The following AHI1 variants were observed in gnomAD, a reference collection of about 807,000 sequenced individuals.
The protein encoded by AHI1 is jouberin.
AHI1 carries 123 observed loss-of-function variants against 149.3 expected under a neutral mutation model. The ratio of observed to expected loss-of-function variants is 0.82; its 90% confidence interval spans 0.71 to 0.96. AHI1 has a LOEUF of 0.96. Ranked by LOEUF, AHI1 falls within the 40% of genes least tolerant of loss-of-function variation. AHI1 has a pLI of 0.00. For missense variants in AHI1, 1,439 were observed against 1,422.7 expected (o/e 1.01, Z -0.18); for synonymous variants, 475 against 459.8 (o/e 1.03, Z -0.42).
In AHI1 at chr6:135,372,766, A is replaced by T. The variant is rs189696511; in HGVS notation, c.3110-14579T>A. Among the ~76,000 whole-genome samples the T allele has an allele frequency of 2.3e-3, 358 of 152,356 alleles. 9 individuals carry two copies. Among genetic ancestry groups the T allele is most frequent in the Admixed American group, 0.022 (338 of 15,306 alleles). On this transcript the variant is annotated intron_variant, in intron 23 of 28. Transcript: ENST00000265602. ...AACAGTGGCTTTCAGAAAGTAAATT[A>T]GAAGGTAGGTAACATTCCTAAGGTC...
At chr6:135,334,000 A>C (rs2128401410) in intron 24 of AHI1, among the ~76,000 whole-genome samples, 1 of 152,356 alleles carries the variant, frequency 6.6e-6, no homozygotes, top group South Asian at 2.1e-4. Flanking sequence ...TGCTGCAATA[A>C]TATATAGGAA....
chr6:135,461,573 A>G (rs1046371478), intron 8 of AHI1, among the ~76,000 whole-genome samples: 1 of 151,996 alleles, frequency 6.6e-6, no homozygotes, highest in African/African-American at 2.4e-5. Context: ...TACTCCTAAC[A>G]ATATGCCCAA....
intron 23 of AHI1, among the ~76,000 whole-genome samples, chr6:135,392,875 A>AT (rs927462641): frequency 1.5e-4 from 23 of 152,106 alleles, no homozygotes; most frequent in Non-Finnish European, 1.8e-4. Flanking sequence ...CTAAGGCAGG[A>AT]TTTTTTTTCA....
rs758444927 is a variant in AHI1, at chr6:135,490,758, T to C, written c.11-11A>G. Reference sequence around the variant, plus strand: ...TTGCTTCACTCTCAGCTACAAAAGATACAGCCATGTGATTTTGTAAATGAC... The same window carrying C: ...TTGCTTCACTCTCAGCTACAAAAGACACAGCCATGTGATTTTGTAAATGAC... On this transcript the variant is annotated splice_polypyrimidine_tract_variant and intron_variant, in intron 4 of 28. Transcript: ENST00000265602. 4 of 1,611,694 alleles carry C rather than the reference T, an allele frequency of 2.5e-6. No individual in the cohort carries two copies. In the South Asian group the frequency reaches 3.3e-5, roughly 13 times the overall value.
rs965506762 is a variant in AHI1 at position 135,455,395 on chromosome 6, T to C, written c.1344+339A>G. Reference sequence around the variant, plus strand: ...TCTTAGGGTGCCTGACATGGTTAAATGAGTTTATGCTTTGTGAAATGGGTT... The same window carrying C: ...TCTTAGGGTGCCTGACATGGTTAAACGAGTTTATGCTTTGTGAAATGGGTT... On this transcript the variant is annotated intron_variant, in intron 10 of 28. Transcript: ENST00000265602. Among the ~76,000 whole-genome samples the C allele has an allele frequency of 6.6e-5, 10 of 152,324 alleles. No homozygotes were observed. The South Asian group carries it at 1.2e-3, about 19-fold the overall frequency.
rs762187786 is a variant in AHI1, at chr6:135,466,002, T to C, written c.561A>G (p.Glu187=). 2 of 1,614,012 alleles carry C rather than the reference T, an allele frequency of 1.2e-6. No homozygotes were observed. Among genetic ancestry groups the C allele is most frequent in the African/African-American group, 2.7e-5 (2 of 75,072 alleles). The stretch of plus-strand genomic sequence containing the variant: ...CATGGCACTGATATGCTTGCATCAA[T>C]TCTTCATCCTCTTCTAAATCAGTCT... The part of the protein sequence containing the change: ...REETDLEEDE[E]LMQAYQCHVT... The change falls in exon 7 of 29, where the codon GAA becomes GAG. Residue 187 remains glutamate (E), a synonymous_variant. Transcript: ENST00000265602.
chr6:135,287,260 G>A (rs1027248148), intron 28 of AHI1, among the ~76,000 whole-genome samples: 5 of 152,072 alleles, frequency 3.3e-5, no homozygotes, highest in African/African-American at 1.2e-4. Flanking sequence ...GAAGCCAGAC[G>A]GACCTTCAGG....
chr6:135,457,763 T>C (rs1397797184), intron 8 of AHI1, 50 bp from the exon 9 acceptor site: 5 of 1,505,480 alleles, frequency 3.3e-6, no homozygotes, highest in Admixed American at 1.7e-5. Context: ...GTTCCCATAG[T>C]AGTATTTACA....
At chr6:135,348,614 A>G (rs1791608737) in intron 24 of AHI1, among the ~76,000 whole-genome samples, 1 of 152,156 alleles carries the variant, frequency 6.6e-6, no homozygotes, top group Admixed American at 6.5e-5. Flanking sequence ...GATTTTGTGC[A>G]CTGTTTAACA....
At position 135,323,311 on chromosome 6, in the gene AHI1, T is replaced by C. The variant is rs1404709929; in HGVS notation, c.3179A>G (p.Tyr1060Cys). The change falls in exon 25 of 29, where the codon TAT (tyrosine) becomes TGT (cysteine). Residue 1060 changes from tyrosine (Y) to cysteine (C), a missense_variant. Coordinates refer to ENST00000265602, the MANE Select transcript of AHI1 (RefSeq NM_001134831.2). ...ATCTGATCGATTCGCTGTGTAGTCA[T>C]AAAGAGCCACTACCTAAGAGAGAGA... Reference protein sequence around the residue: ...VDTAPTVVALYDYTANRSDEL... With the variant: ...VDTAPTVVALCDYTANRSDEL... 6.2e-7 allele frequency: 1 copy of C among 1,613,516 alleles called. No individual in the cohort carries two copies. The highest frequency in any genetic ancestry group is 8.5e-7 in the Non-Finnish European group (1 of 1,179,702).
At chr6:135,316,450 C>T (rs1046227445) in intron 26 of AHI1, among the ~76,000 whole-genome samples, 7 of 152,048 alleles carry the variant, frequency 4.6e-5, no homozygotes, top group South Asian at 2.1e-4. Flanking sequence ...CTATTGATAC[C>T]GGTACAAAGC....
At chr6:135,346,566 A>G (rs992038898) in intron 24 of AHI1, among the ~76,000 whole-genome samples, 1 of 151,950 alleles carries the variant, frequency 6.6e-6, no homozygotes, top group Non-Finnish European at 1.5e-5. Context: ...GATTATAAAG[A>G]TTTTTTTTCT....
chr6:135,460,864 A>C (rs556397477), intron 8 of AHI1, among the ~76,000 whole-genome samples: 1 of 152,326 alleles, frequency 6.6e-6, no homozygotes, highest in South Asian at 2.1e-4. Context: ...GTCAATCATA[A>C]TATATATTCA....
At chr6:135,344,749 C>A (rs1790924563) in intron 24 of AHI1, among the ~76,000 whole-genome samples, 1 of 150,034 alleles carries the variant, frequency 6.7e-6, no homozygotes, top group Non-Finnish European at 1.5e-5. Flanking sequence ...TTTCTCCTTT[C>A]CTTTCTCTCT....
intron 23 of AHI1, among the ~76,000 whole-genome samples, chr6:135,389,773 T>C (rs980032592): frequency 6.6e-6 from 1 of 152,336 alleles, no homozygotes; most frequent in Middle Eastern, 3.4e-3. Context: ...AAATGAAATA[T>C]GCTGTCCTTC....
chr6:135,299,544 T>A (rs978077899), intron 27 of AHI1, among the ~76,000 whole-genome samples: 4 of 152,192 alleles, frequency 2.6e-5, no homozygotes, highest in African/African-American at 7.2e-5. Flanking sequence ...TATATTTTGT[T>A]AGTAATGTAA....
chr6:135,339,260 A>G (rs1016804529), intron 24 of AHI1, among the ~76,000 whole-genome samples: 2 of 152,240 alleles, frequency 1.3e-5, no homozygotes, highest in African/African-American at 4.8e-5. Flanking sequence ...ATATAATCTC[A>G]AATATCCTCT....
At chr6:135,448,217 A>C in intron 12 of AHI1, 73 bp downstream of exon 12, 1 of 1,114,252 alleles carries the variant, frequency 9.0e-7, no homozygotes, top group East Asian at 2.9e-5. Context: ...CTTTTTAGAA[A>C]TGAAAAACAT....
intron 11 of AHI1, among the ~76,000 whole-genome samples, chr6:135,449,045 G>A (rs1472742912): frequency 6.6e-6 from 1 of 151,944 alleles, no homozygotes; most frequent in African/African-American, 2.4e-5. Context: ...TAACTAAATG[G>A]AGGTTTTTGT....
Sources: gnomAD v4.1 joint callset for allele counts (sites outside exome capture counted in the v4.1 genomes callset) on GRCh38, gnomAD v4.1.1 for gene constraint, MANE v1.5 for transcripts, NCBI Gene and HGNC (gene_info 2026-07-23, HGNC 2026-07-21) for gene names.